TBC1D25: variants seen among roughly 807,000 people sequenced by gnomAD.
TBC1D25 encodes TBC1 domain family member 25.
In TBC1D25, 13 loss-of-function variants were observed where a neutral mutation model predicts 38.8. The ratio of observed to expected loss-of-function variants is 0.34; its 90% confidence interval spans 0.22 to 0.53. The LOEUF (loss-of-function observed/expected upper bound fraction) is 0.53. Among genes scored for constraint, TBC1D25 ranks in the 20% least tolerant of loss-of-function variants. The probability of loss-of-function intolerance (pLI) is 0.94; values close to 1 mark genes in which losing one functional copy is unlikely to be tolerated. For missense variants in TBC1D25, 372 were observed against 600.0 expected (o/e 0.62, Z 3.97); for synonymous variants, 225 against 255.6 (o/e 0.88, Z 1.14).
intron 3 of TBC1D25, among the ~76,000 whole-genome samples, chrX:48,549,430 A>G (rs1400107342): frequency 1.8e-5 from 2 of 112,914 alleles, no homozygotes; most frequent in African/African-American, 6.4e-5. Flanking sequence ...GTTTTGTCCT[A>G]TCAAAATTAA....
At chrX:48,542,481 T>G (rs1207772183) in intron 2 of TBC1D25, among the ~76,000 whole-genome samples, 1 of 106,015 alleles carries the variant, frequency 9.4e-6, no homozygotes, top group Admixed American at 1.0e-4. Flanking sequence ...GATAGTTTTT[T>G]GATCTTCTCT....
At chrX:48,541,262 C>A in intron 1 of TBC1D25, 71 bp from the exon 2 acceptor site, 1 of 977,269 alleles carries the variant, frequency 1.0e-6, no homozygotes, top group Non-Finnish European at 1.5e-6. Flanking sequence ...TTGCCTTCTA[C>A]CACTCTGCAC....
intron 2 of TBC1D25, among the ~76,000 whole-genome samples, chrX:48,542,026 CT>C (rs782768482): frequency 1.9e-3 from 169 of 87,808 alleles, no homozygotes; most frequent in Middle Eastern, 5.7e-3. Flanking sequence ...CTTTTTATTT[CT>C]TTTTTTTTTT....
rs2061947135 is a variant in TBC1D25 at position 48,552,956 on chromosome X, G to GT, written c.389-5934dup. On this transcript the variant is annotated intron_variant, in intron 3 of 5. Coordinates refer to ENST00000376771, the MANE Select transcript of TBC1D25 (RefSeq NM_002536.4). ...AGAAGCGCACCACCACACCCGGCTA[G>GT]TTTTTTTATATTTGGTAGAGATGGG... Among the ~76,000 whole-genome samples the GT allele has an allele frequency of 4.6e-5, 5 of 108,586 alleles. No individual in the cohort carries two copies. The South Asian group carries it at 1.6e-3, about 34-fold the overall frequency. 94.3% of individuals were successfully genotyped at this position (108,586 alleles called of 115,157 possible). A position where few individuals can be genotyped will look rare whatever the true frequency, so the allele number is the denominator to read the frequency against.
At chrX:48,558,757 G>A in intron 3 of TBC1D25, 140 bp from the exon 4 acceptor site, 1 of 812,399 alleles carries the variant, frequency 1.2e-6, no homozygotes, top group Non-Finnish European at 1.7e-6. Context: ...TTTTTTACAT[G>A]ATTTGGATGA....
Position 48,561,966 on chromosome X carries a change from C to T in TBC1D25, c.*991C>T. 1 of 112,537 alleles carries T rather than the reference C, an allele frequency of 8.9e-6. No homozygotes were observed. 9.3% of individuals were successfully genotyped at this position (112,537 alleles called of 1,213,427 possible). A position where few individuals can be genotyped will look rare whatever the true frequency, so the allele number is the denominator to read the frequency against. Reference sequence around the variant, plus strand: ...TCTCCATCTCACTAATATGGACAAACAACAAGCACTGATAAAACGCAGGCC... The same window carrying T: ...TCTCCATCTCACTAATATGGACAAATAACAAGCACTGATAAAACGCAGGCC... On this transcript the variant is annotated 3_prime_UTR_variant, in exon 6 of 6. Coordinates refer to ENST00000376771, the MANE Select transcript of TBC1D25 (RefSeq NM_002536.4).
At chrX:48,542,594 T>G (rs1295497611) in intron 2 of TBC1D25, among the ~76,000 whole-genome samples, 4 of 107,650 alleles carry the variant, frequency 3.7e-5, no homozygotes, top group African/African-American at 1.4e-4. Flanking sequence ...TTCAAGTGAT[T>G]CTCATGCCTC....
Position 48,561,116 on chromosome X carries a change from G to T in TBC1D25, c.*141G>T. On this transcript the variant is annotated 3_prime_UTR_variant, in exon 6 of 6. Coordinates refer to ENST00000376771, the MANE Select transcript of TBC1D25 (RefSeq NM_002536.4). ...TAGAGCCCTTCCTCCCCAGGCCTAA[G>T]TATGTGGAGCTCTGCTTTGGCACTG... 2 of 700,300 alleles carry T rather than the reference G, an allele frequency of 2.9e-6. No individual in the cohort carries two copies. Among genetic ancestry groups the T allele is most frequent in the Non-Finnish European group, 2.0e-6 (1 of 492,153 alleles). The allele number at this position is 700,300 out of a possible 1,213,427, so 57.7% of individuals were successfully genotyped here.
In TBC1D25 at chrX:48,541,159, T is replaced by C. The variant is rs73485736; in HGVS notation, c.124-174T>C. 3,439 of 467,679 alleles carry C rather than the reference T, an allele frequency of 7.4e-3. 114 individuals carry two copies. The highest frequency in any genetic ancestry group is 0.073 in the African/African-American group (3,022 of 41,555). 38.5% of individuals were successfully genotyped at this position (467,679 alleles called of 1,213,427 possible). ...TAGTTGAAGGGATATAGAAGAAGGA[T>C]TGGGGGCCTGAACTCTTGCAGTAGC... On this transcript the variant is annotated intron_variant, in intron 1 of 5. Coordinates refer to ENST00000376771, the MANE Select transcript of TBC1D25 (RefSeq NM_002536.4).
intron 3 of TBC1D25, among the ~76,000 whole-genome samples, chrX:48,553,516 C>G (rs2061951027): frequency 9.2e-6 from 1 of 109,238 alleles, no homozygotes; most frequent in South Asian, 3.9e-4. Flanking sequence ...TGTCTTATTG[C>G]CTCCAGGGTT....
intron 3 of TBC1D25, among the ~76,000 whole-genome samples, chrX:48,552,914 T>C (rs2061946525): frequency 3.7e-5 from 4 of 109,519 alleles, no homozygotes. Context: ...CTCAGCCTCT[T>C]GAGTAGCTGG....
At chrX:48,553,827 C>G in intron 3 of TBC1D25, among the ~76,000 whole-genome samples, 1 of 107,789 alleles carries the variant, frequency 9.3e-6, no homozygotes, top group Non-Finnish European at 1.9e-5. Context: ...TTATCATGTT[C>G]AGCCCAGGCT....
At chrX:48,545,183 A>G (rs900821215) in intron 3 of TBC1D25, among the ~76,000 whole-genome samples, 160 bp downstream of exon 3, 8 of 112,037 alleles carry the variant, frequency 7.1e-5, no homozygotes, top group Non-Finnish European at 1.9e-5. Flanking sequence ...TTCACTTGTA[A>G]AGAGATAATT....
intron 3 of TBC1D25, among the ~76,000 whole-genome samples, chrX:48,549,921 T>C (rs1458997569): frequency 2.7e-5 from 3 of 112,553 alleles, no homozygotes; most frequent in Admixed American, 9.5e-5. Context: ...TCTGTCAGCA[T>C]TGTGATAAGC....
At chrX:48,551,441 C>T (rs1223290634) in intron 3 of TBC1D25, among the ~76,000 whole-genome samples, 2 of 108,328 alleles carry the variant, frequency 1.8e-5, no homozygotes, top group Non-Finnish European at 3.8e-5. Flanking sequence ...GATTCTCCTG[C>T]CTCAGCCTCT....
At chrX:48,558,784 G>A (rs1556985043) in intron 3 of TBC1D25, 113 bp from the exon 4 acceptor site, 3 of 975,944 alleles carry the variant, frequency 3.1e-6, no homozygotes. Flanking sequence ...AAGAGGGACT[G>A]GGAGTTGTTT....
At position 48,540,030 on chromosome X, in the gene TBC1D25, CGGCGAAGCTTGAGGGCCA is replaced by C. The variant is rs1556979822; in HGVS notation, c.123+111_123+128del. On this transcript the variant is annotated intron_variant, in intron 1 of 5. Coordinates refer to ENST00000376771, the MANE Select transcript of TBC1D25 (RefSeq NM_002536.4). Reference sequence around the variant, plus strand: ...CCTGAGATTTCGGACATAACCTGAGCGGCGAAGCTTGAGGGCCAAGTGATGATGGCGAGGGGTAGGGAG... The same window carrying C: ...CCTGAGATTTCGGACATAACCTGAGCAGTGATGATGGCGAGGGGTAGGGAG... 186 of 911,285 alleles carry C rather than the reference CGGCGAAGCTTGAGGGCCA, an allele frequency of 2.0e-4. 1 individual carries two copies. In the East Asian group the frequency reaches 5.9e-3, roughly 29 times the overall value. The allele number at this position is 911,285 out of a possible 1,213,427, so 75.1% of individuals were successfully genotyped here. A position where few individuals can be genotyped will look rare whatever the true frequency, so the allele number is the denominator to read the frequency against.
At position 48,562,013 on chromosome X, in the gene TBC1D25, TTTGGAGGATA is replaced by T. The variant is rs1214620930; in HGVS notation, c.*1039_*1048del. ...GGCCCTAATAGAATTCACTTCGTTA[TTTGGAGGATA>T]ATGATCAAAAAAAGGTCCTTTTTCC... On this transcript the variant is annotated 3_prime_UTR_variant, in exon 6 of 6. Transcript: ENST00000376771. The T allele has an allele frequency of 1.8e-5, 2 of 112,294 alleles. No homozygotes were observed. Among genetic ancestry groups the T allele is most frequent in the Non-Finnish European group, 3.8e-5 (2 of 53,262 alleles). The allele number at this position is 112,294 out of a possible 1,213,427, so 9.3% of individuals were successfully genotyped here.
At chrX:48,540,000 C>A (rs1433636400) in intron 1 of TBC1D25, 80 bp downstream of exon 1, 3 of 932,918 alleles carry the variant, frequency 3.2e-6, no homozygotes, top group Non-Finnish European at 2.7e-6. Context: ...GGATGGAGGG[C>A]GGGACCTGAG....
Sources: allele counts gnomAD v4.1 joint callset (sites outside exome capture counted in the v4.1 genomes callset), GRCh38; gene constraint gnomAD v4.1.1; transcripts MANE v1.5; gene names NCBI Gene and HGNC (gene_info 2026-07-23, HGNC 2026-07-21).